The following ERC1 variants were observed in gnomAD, a reference collection of about 807,000 sequenced individuals.
The protein encoded by ERC1 is ELKS/RAB6-interacting/CAST family member 1.
Under a neutral mutation model 132.0 loss-of-function variants are expected in ERC1, and 56 were observed. The ratio of observed to expected loss-of-function variants is 0.42; its 90% confidence interval spans 0.34 to 0.53. ERC1 has a LOEUF of 0.53. Ranked by LOEUF, ERC1 falls within the 20% of genes least tolerant of loss-of-function variation. ERC1 has a pLI of 0.03. For synonymous variants in ERC1, 478 were observed against 476.1 expected (o/e 1.00, Z -0.05); for missense variants, 1,202 against 1,349.9 (o/e 0.89, Z 1.72).
chr12:1,339,061 C>T (rs1293102238), intron 15 of ERC1, among the ~76,000 whole-genome samples: 5 of 152,190 alleles, frequency 3.3e-5, no homozygotes, highest in Admixed American at 2.0e-4. Flanking sequence ...GCAGAGTGCA[C>T]GCTGGACAAC....
In ERC1 at chr12:1,236,837, G is replaced by C. The variant is rs771763772; in HGVS notation, c.2420G>C (p.Ser807Thr). 1 of 1,614,116 alleles carries C rather than the reference G, an allele frequency of 6.2e-7. No individual in the cohort carries two copies. The highest frequency in any genetic ancestry group is 1.1e-5 in the South Asian group (1 of 91,082). ...KHKEQVEKKK[S>T]AQMLEEARRR... ...AAGGAACAGGTGGAAAAAAAGAAGA[G>C]TGCACAAATGTTAGAGGAGGCGCGA... The change falls in exon 13 of 19, where the codon AGT (serine) becomes ACT (threonine). Residue 807 changes from serine (S) to threonine (T), a missense_variant. Coordinates refer to ENST00000360905, the MANE Select transcript of ERC1 (RefSeq NM_178040.4).
intron 12 of ERC1, among the ~76,000 whole-genome samples, chr12:1,195,802 C>G (rs754869252): frequency 7.0e-6 from 1 of 142,588 alleles, no homozygotes; most frequent in South Asian, 2.1e-4. Flanking sequence ...ATTGTTTAAG[C>G]CAGTTTGAAT....
chr12:1,104,887 T>G, intron 4 of ERC1, 63 bp downstream of exon 4: 1 of 1,083,508 alleles, frequency 9.2e-7, no homozygotes, highest in African/African-American at 1.5e-5. Flanking sequence ...ATCAAAAACT[T>G]CCATGTGTGA....
At chr12:1,216,644 G>T (rs1474767239) in intron 12 of ERC1, among the ~76,000 whole-genome samples, 1 of 151,486 alleles carries the variant, frequency 6.6e-6, no homozygotes, top group Non-Finnish European at 1.5e-5. Context: ...GGAGTAAATG[G>T]AATGATATGT....
chr12:1,320,258 A>T (rs975421094), intron 15 of ERC1, among the ~76,000 whole-genome samples: 34 of 152,320 alleles, frequency 2.2e-4, no homozygotes, highest in Admixed American at 8.5e-4. Context: ...ATAATGGCGT[A>T]TTTTATTTTG....
chr12:1,494,398 C>T lies in ERC1; in HGVS notation c.*4168C>T, dbSNP rs1312443007. ...TAGGGAAGAATTAGGCAAGAAAAGA[C>T]ATACATTACAGGGAAATCCTTCTGA... On this transcript the variant is annotated 3_prime_UTR_variant, in exon 19 of 19. Transcript: ENST00000360905. 1 of 232,038 alleles carries T rather than the reference C, an allele frequency of 4.3e-6. No homozygotes were observed. The highest frequency in any genetic ancestry group is 2.2e-5 in the African/African-American group (1 of 45,298). 14.4% of individuals were successfully genotyped at this position (232,038 alleles called of 1,614,324 possible). A position where few individuals can be genotyped will look rare whatever the true frequency, so the allele number is the denominator to read the frequency against.
rs1406958440 is a variant in ERC1 at position 1,401,022 on chromosome 12, A to G, written c.2926-7127A>G. ...GTGATCTGGGCTCACTGCAAGCTCCACCTCCCGGGTTCACGCCATTCTCCT... is the reference window on the plus strand; with the variant it reads ...GTGATCTGGGCTCACTGCAAGCTCCGCCTCCCGGGTTCACGCCATTCTCCT... On this transcript the variant is annotated intron_variant, in intron 16 of 18. Transcript: ENST00000360905. 2.7e-4 allele frequency among the ~76,000 whole-genome samples: 34 copies of G among 125,602 alleles called. 1 individual carries two copies. Among genetic ancestry groups the G allele is most frequent in the East Asian group, 9.8e-4 (4 of 4,096 alleles). 82.4% of individuals were successfully genotyped at this position (125,602 alleles called of 152,430 possible).
chr12:1,472,530 G>A (rs1037544484), intron 18 of ERC1, among the ~76,000 whole-genome samples: 20 of 151,918 alleles, frequency 1.3e-4, no homozygotes, highest in African/African-American at 4.8e-4. Context: ...TTTCGCTGTA[G>A]TCCCAGCCAC....
intron 17 of ERC1, among the ~76,000 whole-genome samples, chr12:1,423,385 G>A (rs144988596): frequency 6.6e-6 from 1 of 152,176 alleles, no homozygotes; most frequent in Non-Finnish European, 1.5e-5. Context: ...AAATTTTAAC[G>A]TGCCTTTGTT....
At chr12:1,022,896 G>T (rs760375466) in intron 1 of ERC1, among the ~76,000 whole-genome samples, 1 of 152,132 alleles carries the variant, frequency 6.6e-6, no homozygotes, top group Non-Finnish European at 1.5e-5. Context: ...GGGATTACAG[G>T]CGTTAGCCAC....
intron 1 of ERC1, among the ~76,000 whole-genome samples, chr12:1,006,577 T>G (rs959516877): frequency 6.6e-6 from 1 of 152,054 alleles, no homozygotes; most frequent in Non-Finnish European, 1.5e-5. Flanking sequence ...GTTTTGTTTT[T>G]AAGAGATGGG....
At position 1,104,707 on chromosome 12, in the gene ERC1, T is replaced by A. The variant is rs368739128; in HGVS notation, c.1087-43T>A. ...CACTCCTCTTTGAAAAAAATGAGGG[T>A]GAACAGGAGAGCACTGAATCTCTTT... On this transcript the variant is annotated intron_variant, in intron 3 of 18. Transcript: ENST00000360905. The A allele has an allele frequency of 7.7e-5, 107 of 1,387,154 alleles. 1 individual carries two copies. The African/African-American group carries it at 1.2e-3, about 16-fold the overall frequency. The allele number at this position is 1,387,154 out of a possible 1,614,324, so 85.9% of individuals were successfully genotyped here.
chr12:1,000,841 A>G (rs1306215229), intron 1 of ERC1, among the ~76,000 whole-genome samples: 1 of 152,236 alleles, frequency 6.6e-6, no homozygotes, highest in African/African-American at 2.4e-5. Flanking sequence ...ATTTTACTGT[A>G]GGAATATAAC....
chr12:1,479,054 A>G (rs1405513718), intron 18 of ERC1, among the ~76,000 whole-genome samples: 1 of 152,220 alleles, frequency 6.6e-6, no homozygotes, highest in Non-Finnish European at 1.5e-5. Context: ...CCCACCATTT[A>G]TCAGAAAGAC....
intron 8 of ERC1, among the ~76,000 whole-genome samples, chr12:1,167,802 C>A (rs141585124): frequency 6.6e-6 from 1 of 151,446 alleles, no homozygotes; most frequent in Non-Finnish European, 1.5e-5. Flanking sequence ...CTGCAACCTC[C>A]GCCTCCTGGG....
At chr12:1,266,647 C>A (rs140110369) in intron 14 of ERC1, among the ~76,000 whole-genome samples, 2,768 of 151,944 alleles carry the variant, frequency 0.018, 33 homozygotes, top group South Asian at 0.045. Flanking sequence ...TCAAGTGATC[C>A]GCCCGCCTCG....
At chr12:1,321,772 A>G (rs1351560864) in intron 15 of ERC1, among the ~76,000 whole-genome samples, 1 of 152,142 alleles carries the variant, frequency 6.6e-6, no homozygotes, top group Non-Finnish European at 1.5e-5. Flanking sequence ...TATTGAATTC[A>G]CAGTACACAT....
intron 15 of ERC1, among the ~76,000 whole-genome samples, chr12:1,310,047 A>G (rs918172979): frequency 2.0e-5 from 3 of 151,576 alleles, no homozygotes; most frequent in Non-Finnish European, 4.4e-5. Flanking sequence ...TCCCGGGTTC[A>G]CGCCATTCTC....
intron 15 of ERC1, among the ~76,000 whole-genome samples, chr12:1,302,025 C>T (rs1337004320): frequency 6.6e-6 from 1 of 152,074 alleles, no homozygotes; most frequent in African/African-American, 2.4e-5. Flanking sequence ...ACCCTCCTGC[C>T]TAAACTTGAC....
Sources: allele counts gnomAD v4.1 joint callset (sites outside exome capture counted in the v4.1 genomes callset), GRCh38; gene constraint gnomAD v4.1.1; transcripts MANE v1.5; gene names NCBI Gene and HGNC (gene_info 2026-07-23, HGNC 2026-07-21).